Variants in ZNF469 observed in about 807,000 individuals in gnomAD.
The protein encoded by ZNF469 is zinc finger protein 469.
In ZNF469, 1 loss-of-function variant was observed where a neutral mutation model predicts 1.0. The ratio of observed to expected loss-of-function variants is 1.00; its 90% CI spans 0.35 to 4.73. ZNF469 has a LOEUF of 4.73. Among genes scored for constraint, ZNF469 ranks in the 30% most tolerant of loss-of-function variants. The pLI, the probability that ZNF469 is intolerant of heterozygous loss-of-function variation, is 0.16. For missense variants in ZNF469, 6,100 were observed against 5,356.3 expected, an observed-to-expected ratio of 1.14 and a Z score of -4.33; for synonymous variants, 2,703 against 2,363.4, an observed-to-expected ratio of 1.14 and a Z score of -4.17.
the ZNF469 span, among the ~76,000 whole-genome samples, chr16:88,108,713 C>T: frequency 3.3e-5 from 5 of 152,200 alleles, no homozygotes; most frequent in Non-Finnish European, 7.3e-5. Flanking sequence ...CAGGGCCTTG[C>T]CCACTGTATG....
At chr16:88,265,666 A>C in the ZNF469 span, among the ~76,000 whole-genome samples, 1 of 152,162 alleles carries the variant, frequency 6.6e-6, no homozygotes, top group Non-Finnish European at 1.5e-5. Context: ...CCGTCTGTGA[A>C]GTGGGGCACA....
At chr16:88,335,768 CACTA>C in the ZNF469 span, among the ~76,000 whole-genome samples, 36 of 152,246 alleles carry the variant, frequency 2.4e-4, no homozygotes, top group Non-Finnish European at 2.9e-5. Context: ...TCACGTGAGA[CACTA>C]ACATGCCAAT....
the ZNF469 span, among the ~76,000 whole-genome samples, chr16:88,359,360 G>C: frequency 6.6e-6 from 1 of 151,476 alleles, no homozygotes; most frequent in Non-Finnish European, 1.5e-5. Flanking sequence ...CGGGGGCTTG[G>C]TATCCTGCAC....
Position 88,434,212 on chromosome 16 carries a change from A to C in ZNF469, c.6742A>C (p.Ser2248Arg). The C allele has an allele frequency of 6.5e-7, 1 of 1,550,384 alleles. No homozygotes were observed. The highest frequency in any genetic ancestry group is 1.2e-5 in the South Asian group (1 of 84,070). Residue 2248 changes from serine (S) to arginine (R), a missense_variant, in exon 3 of 3, where the codon AGC becomes CGC. By Grantham distance (110) the Ser-to-Arg change is moderately radical (BLOSUM62 -1). Coordinates refer to ENST00000565624, the MANE Select transcript of ZNF469 (RefSeq NM_001367624.2). The stretch of plus-strand genomic sequence containing the variant: ...TCACAGTGGGGACACCCCCAAAGAC[A>C]GCACTTTAAGAATTCCAGAGGATTC... ...CTHSGDTPKDSTLRIPEDSRK... is the reference protein window; with the variant it reads ...CTHSGDTPKDRTLRIPEDSRK...
chr16:88,114,289 C>T, the ZNF469 span, among the ~76,000 whole-genome samples: 1 of 140,594 alleles, frequency 7.1e-6, no homozygotes. Context: ...GGACCACATT[C>T]ACTCACTGCG....
chr16:88,118,158 C>G, the ZNF469 span, among the ~76,000 whole-genome samples: 1 of 152,114 alleles, frequency 6.6e-6, no homozygotes, highest in African/African-American at 2.4e-5. Flanking sequence ...GGCCAGGCTG[C>G]TCTCAAACTC....
At chr16:88,199,784 C>T in the ZNF469 span, among the ~76,000 whole-genome samples, 1 of 152,352 alleles carries the variant, frequency 6.6e-6, no homozygotes, top group South Asian at 2.1e-4. Flanking sequence ...CTCTGTGTGG[C>T]TCCAGGGACT....
At chr16:88,345,089 G>A in the ZNF469 span, among the ~76,000 whole-genome samples, 9 of 152,354 alleles carry the variant, frequency 5.9e-5, no homozygotes, top group African/African-American at 1.4e-4. Flanking sequence ...TAAAGGTGAC[G>A]TGAGCCTGGG....
At chr16:88,231,414 A>AG in the ZNF469 span, among the ~76,000 whole-genome samples, 1 of 152,374 alleles carries the variant, frequency 6.6e-6, no homozygotes, top group East Asian at 1.9e-4. This position sits in a 1 kb window ranked among gnomAD's most constrained non-coding sequence, Gnocchi z 4.5. Flanking sequence ...GAATCCACAG[A>AG]GGACAGGTGT....
chr16:88,333,338 AG>A, the ZNF469 span, among the ~76,000 whole-genome samples: 1,669 of 122,904 alleles, frequency 0.014, 23 homozygotes, highest in Non-Finnish European at 0.019. Context: ...GTCACGGAAG[AG>A]GGGCCCATGG....
At chr16:88,224,965 G>A in the ZNF469 span, among the ~76,000 whole-genome samples, 18 of 152,290 alleles carry the variant, frequency 1.2e-4, no homozygotes, top group African/African-American at 4.3e-4. Flanking sequence ...ATGGTGGGAT[G>A]GTGGGGCCCC....
At chr16:88,103,788 TG>T in the ZNF469 span, among the ~76,000 whole-genome samples, 1 of 130,310 alleles carries the variant, frequency 7.7e-6, no homozygotes, top group Non-Finnish European at 1.6e-5. Context: ...CTCCGTGGCA[TG>T]GGGGGTTGGT....
At chr16:88,247,568 GTGAC>G in the ZNF469 span, among the ~76,000 whole-genome samples, 18 of 146,194 alleles carry the variant, frequency 1.2e-4, no homozygotes, top group Admixed American at 2.8e-4. Context: ...GACTGAGTGA[GTGAC>G]TGAGTGAGTG....
At chr16:88,316,567 GAC>G in the ZNF469 span, among the ~76,000 whole-genome samples, 1 of 28,000 alleles carries the variant, frequency 3.6e-5, no homozygotes, top group African/African-American at 3.0e-4. Context: ...TTTTTTTTGA[GAC>G]AGAGTCTCGT....
chr16:88,380,457 G>GCA (rs1461472713), upstream of ZNF469, among the ~76,000 whole-genome samples: 4 of 101,394 alleles, frequency 3.9e-5, no homozygotes, highest in African/African-American at 6.1e-5. Flanking sequence ...ACACAGACAT[G>GCA]CACACACACA....
chr16:88,296,452 A>ACC, the ZNF469 span, among the ~76,000 whole-genome samples: 1 of 132,882 alleles, frequency 7.5e-6, no homozygotes, highest in African/African-American at 2.7e-5. Flanking sequence ...AGACATGCTC[A>ACC]CCCTCCCCCC....
intron 1 of ZNF469, among the ~76,000 whole-genome samples, chr16:88,400,220 G>A (rs1047705438): frequency 4.6e-5 from 7 of 152,238 alleles, no homozygotes; most frequent in African/African-American, 9.6e-5. Context: ...GCCCGAGTTC[G>A]AGCTCCGGTT....
chr16:88,135,343 C>T, the ZNF469 span, among the ~76,000 whole-genome samples: 2 of 152,248 alleles, frequency 1.3e-5, no homozygotes, highest in African/African-American at 4.8e-5. Context: ...ATTCCAGGCT[C>T]ACTGAGAAGT....
the ZNF469 span, among the ~76,000 whole-genome samples, chr16:88,221,291 TC>T: frequency 6.6e-6 from 1 of 152,146 alleles, no homozygotes; most frequent in African/African-American, 2.4e-5. Flanking sequence ...AAAAACAGCT[TC>T]CCACGGCCGT....
Sources: gnomAD v4.1 joint callset for allele counts (sites outside exome capture counted in the v4.1 genomes callset) on GRCh38, gnomAD v4.1.1 for gene constraint, Gnocchi (gnomAD v3.1) non-coding constraint, MANE v1.5 for transcripts, NCBI Gene and HGNC (gene_info 2026-07-23, HGNC 2026-07-21) for gene names.